Variants in MGAT4C observed in about 807,000 individuals in gnomAD.
MGAT4C encodes the protein alpha-1,3-mannosyl-glycoprotein 4-beta-N-acetylglucosaminyltransferase C.
In MGAT4C, 19 loss-of-function variants were observed where a neutral mutation model predicts 40.1. The observed-to-expected ratio is 0.47, with a 90% CI of 0.33 to 0.70. The LOEUF (loss-of-function observed/expected upper bound fraction) is 0.70. MGAT4C is among the 30% of genes least tolerant of loss of function. The pLI is 0.02. For synonymous variants in MGAT4C, 181 were observed against 187.1 expected (o/e 0.97, Z 0.27); for missense variants, 491 against 563.2 (o/e 0.87, Z 1.30).
chr12:86,091,117 G>A (rs962864391), intron 1 of MGAT4C, among the ~76,000 whole-genome samples: 1 of 151,822 alleles, frequency 6.6e-6, no homozygotes, highest in Non-Finnish European at 1.5e-5. Context: ...GCCCACACAA[G>A]AAATATTCTA....
intron 2 of MGAT4C, among the ~76,000 whole-genome samples, chr12:86,590,199 CTAA>C (rs1191406446): frequency 6.6e-6 from 1 of 151,958 alleles, no homozygotes; most frequent in African/African-American, 2.4e-5. Flanking sequence ...CCGCGATTCT[CTAA>C]TAAACCCTGT....
chr12:85,984,239 T>C (rs942044544), intron 3 of MGAT4C, among the ~76,000 whole-genome samples: 1 of 152,206 alleles, frequency 6.6e-6, no homozygotes, highest in Non-Finnish European at 1.5e-5. Flanking sequence ...TATCTAGCTG[T>C]TGAGAAGGGC....
intron 2 of MGAT4C, among the ~76,000 whole-genome samples, chr12:86,573,978 C>G (rs189051406): frequency 3.6e-4 from 55 of 151,890 alleles, no homozygotes; most frequent in African/African-American, 1.0e-3. Flanking sequence ...TACACTGACA[C>G]CAGACTTTAT....
chr12:86,623,447 T>C (rs1224448991), intron 2 of MGAT4C, among the ~76,000 whole-genome samples: 1 of 152,150 alleles, frequency 6.6e-6, no homozygotes, highest in Non-Finnish European at 1.5e-5. Flanking sequence ...ATCAGTTTTT[T>C]TTAAAATGTA....
intron 1 of MGAT4C, among the ~76,000 whole-genome samples, chr12:86,059,719 GC>G (rs766201454): frequency 2.0e-5 from 3 of 152,166 alleles, no homozygotes; most frequent in Non-Finnish European, 2.9e-5. Flanking sequence ...CTTCAATGTA[GC>G]TGATTACAAG....
intron 2 of MGAT4C, among the ~76,000 whole-genome samples, chr12:86,507,161 G>A (rs1176628699): frequency 6.6e-6 from 1 of 152,108 alleles, no homozygotes; most frequent in African/African-American, 2.4e-5. Context: ...AGATAAAAAT[G>A]TCTCTCTGAG....
At chr12:86,783,724 C>A (rs1209357347) in intron 1 of MGAT4C, among the ~76,000 whole-genome samples, 3 of 151,996 alleles carry the variant, frequency 2.0e-5, no homozygotes, top group South Asian at 2.1e-4. Flanking sequence ...ATAATAGGAC[C>A]AAATTTCATA....
intron 2 of MGAT4C, among the ~76,000 whole-genome samples, chr12:86,668,315 C>T (rs999003883): frequency 2.0e-5 from 3 of 152,058 alleles, no homozygotes; most frequent in Non-Finnish European, 4.4e-5. Flanking sequence ...GCAAACAGCC[C>T]CTGTGATGGC....
At chr12:86,466,534 T>C (rs1474138688) in intron 2 of MGAT4C, among the ~76,000 whole-genome samples, 1 of 152,132 alleles carries the variant, frequency 6.6e-6, no homozygotes, top group Admixed American at 6.5e-5. Context: ...GCCAGAGTGT[T>C]GTGTGGGAGA....
chr12:85,995,969 C>A (rs1405270786), intron 2 of MGAT4C, among the ~76,000 whole-genome samples: 1 of 152,188 alleles, frequency 6.6e-6, no homozygotes, highest in African/African-American at 2.4e-5. Flanking sequence ...TAACAACAAG[C>A]ATCAACAGCA....
chr12:86,187,273 A>G (rs1189366958), intron 1 of MGAT4C, among the ~76,000 whole-genome samples: 1 of 152,048 alleles, frequency 6.6e-6, no homozygotes, highest in African/African-American at 2.4e-5. Flanking sequence ...ACACAGCTGG[A>G]GCCCTCCATT....
intron 3 of MGAT4C, among the ~76,000 whole-genome samples, chr12:86,407,493 A>G (rs927704448): frequency 6.6e-6 from 1 of 152,090 alleles, no homozygotes; most frequent in Non-Finnish European, 1.5e-5. Context: ...AGACCTCACT[A>G]TTTATGGGGA....
chr12:86,822,568 C>CTCT (rs34928513), intron 1 of MGAT4C, among the ~76,000 whole-genome samples: 2 of 150,416 alleles, frequency 1.3e-5, no homozygotes, highest in African/African-American at 4.9e-5. Context: ...AAATAGACTT[C>CTCT]AAGTCAAAAA....
intron 1 of MGAT4C, among the ~76,000 whole-genome samples, chr12:86,157,520 G>C (rs1256986323): frequency 6.6e-6 from 1 of 151,944 alleles, no homozygotes; most frequent in East Asian, 1.9e-4. Flanking sequence ...TCATTTTAAA[G>C]AGCATAGAAA....
chr12:86,248,266 C>T (rs1025234821), intron 1 of MGAT4C, among the ~76,000 whole-genome samples: 1 of 151,696 alleles, frequency 6.6e-6, no homozygotes, highest in Non-Finnish European at 1.5e-5. Context: ...GGCAGCCAGA[C>T]ATTCATTCAG....
chr12:86,740,454 A>G (rs1189770792), intron 1 of MGAT4C, among the ~76,000 whole-genome samples: 1 of 151,276 alleles, frequency 6.6e-6, no homozygotes, highest in African/African-American at 2.4e-5. Context: ...GTAAGCTTTT[A>G]TTAACCAAAA....
At chr12:86,771,835 A>C (rs1951645350) in intron 1 of MGAT4C, among the ~76,000 whole-genome samples, 1 of 152,094 alleles carries the variant, frequency 6.6e-6, no homozygotes, top group Non-Finnish European at 1.5e-5. Flanking sequence ...GTTATACAGT[A>C]ATGCAAAGTT....
chr12:86,459,206 TA>T (rs1957555329), intron 2 of MGAT4C, among the ~76,000 whole-genome samples: 2 of 152,144 alleles, frequency 1.3e-5, no homozygotes, highest in Non-Finnish European at 2.9e-5. Flanking sequence ...TTTATTAGCA[TA>T]ACATGTTTCT....
intron 2 of MGAT4C, among the ~76,000 whole-genome samples, chr12:86,036,184 G>A (rs546399000): frequency 1.3e-5 from 2 of 150,078 alleles, no homozygotes; most frequent in African/African-American, 4.8e-5. Context: ...CCATTTTCAC[G>A]AAATTGATTC....
Sources: gnomAD v4.1 joint callset for allele counts (sites outside exome capture counted in the v4.1 genomes callset) on GRCh38, gnomAD v4.1.1 for gene constraint, MANE v1.5 for transcripts, NCBI Gene and HGNC (gene_info 2026-07-23, HGNC 2026-07-21) for gene names.